GPLD1: variants seen among roughly 807,000 people sequenced by gnomAD.
The protein encoded by GPLD1 is glycosylphosphatidylinositol specific phospholipase D1, also known as phosphatidylinositol-glycan-specific phospholipase D.
Under a neutral mutation model 112.6 loss-of-function variants are expected in GPLD1, and 84 were observed. That is an observed-to-expected ratio of 0.75 (90% CI 0.63 to 0.89). The LOEUF (loss-of-function observed/expected upper bound fraction) is 0.89. Among genes scored for constraint, GPLD1 ranks in the 40% least tolerant of loss-of-function variants. The pLI is 0.00. For missense variants in GPLD1, 1,044 were observed against 1,051.5 expected (o/e 0.99, Z 0.10); for synonymous variants, 386 against 403.8 (o/e 0.96, Z 0.53).
upstream of GPLD1, among the ~76,000 whole-genome samples, chr6:24,494,050 T>G (rs891305961): frequency 3.3e-5 from 5 of 152,234 alleles, no homozygotes; most frequent in African/African-American, 1.2e-4. Flanking sequence ...TGTTTAAAGG[T>G]GCTCAAATAC....
chr6:24,435,818 CTG>C (rs763025959), intron 22 of GPLD1: 1 of 32,734 alleles, frequency 3.1e-5, no homozygotes, highest in African/African-American at 1.3e-4. Context: ...GAGCCAGACG[CTG>C]TCTCAAAAAA....
intron 20 of GPLD1, among the ~76,000 whole-genome samples, chr6:24,444,969 T>C (rs1459822995): frequency 6.6e-6 from 1 of 152,168 alleles, no homozygotes; most frequent in Non-Finnish European, 1.5e-5. Flanking sequence ...TAAGTTACTT[T>C]CATATGTCAT....
upstream of GPLD1, among the ~76,000 whole-genome samples, chr6:24,493,536 C>G (rs1746269198): frequency 1.3e-5 from 2 of 152,036 alleles, no homozygotes; most frequent in Admixed American, 1.3e-4. Context: ...AAAACAAAAA[C>G]AAAAACTCCC....
intron 3 of GPLD1, among the ~76,000 whole-genome samples, chr6:24,477,098 C>G (rs1764047328): frequency 6.6e-6 from 1 of 151,454 alleles, no homozygotes; most frequent in Non-Finnish European, 1.5e-5. Flanking sequence ...AGAGATAAAG[C>G]TTTAAACAAT....
At chr6:24,484,157 T>C (rs1256489339) in intron 2 of GPLD1, among the ~76,000 whole-genome samples, 5 of 152,154 alleles carry the variant, frequency 3.3e-5, no homozygotes, top group East Asian at 1.9e-4. Flanking sequence ...CCTCATGATC[T>C]GCCCGCCTTG....
chr6:24,458,948 G>A (rs146450117), intron 12 of GPLD1, among the ~76,000 whole-genome samples: 4,524 of 151,890 alleles, frequency 0.03, 93 homozygotes, highest in Non-Finnish European at 0.045. Context: ...AGGCCCTTCC[G>A]CAATTCTCAG....
intron 3 of GPLD1, 74 bp downstream of exon 3, chr6:24,479,802 ATATAT>A: frequency 1.3e-6 from 1 of 777,360 alleles, no homozygotes; most frequent in Non-Finnish European, 2.3e-6. Context: ...ACACACATAT[ATATAT>A]ATTTTTAAAG....
In GPLD1 at chr6:24,476,216, A is replaced by G. The variant is rs1472644927; in HGVS notation, c.295T>C (p.Tyr99His). 1 of 1,573,442 alleles carries G rather than the reference A, an allele frequency of 6.4e-7. No homozygotes were observed. Among genetic ancestry groups the G allele is most frequent in the Non-Finnish European group, 8.7e-7 (1 of 1,153,872 alleles). The change falls in exon 4 of 25, where the codon TAT (tyrosine) becomes CAT (histidine). Residue 99 changes from tyrosine to histidine, a missense_variant. Coordinates refer to ENST00000230036, the MANE Select transcript of GPLD1 (RefSeq NM_001503.4). ...WTPFLNASVH[Y>H]IRENYPLPWE... ...GGAAGGGGATAGTTCTCTCGGATAT[A>G]ATGAACGCTTGCATTAAGAAACGGA...
chr6:24,436,405 A>C (rs1762579598), intron 22 of GPLD1, among the ~76,000 whole-genome samples, 171 bp downstream of exon 22: 1 of 152,238 alleles, frequency 6.6e-6, no homozygotes, highest in African/African-American at 2.4e-5. Context: ...AATGTTGCAG[A>C]ACTGTAAGAA....
Position 24,464,547 on chromosome 6 carries a change from T to C in GPLD1, c.822-1752A>G, listed in dbSNP as rs368226387. 2.6e-5 allele frequency among the ~76,000 whole-genome samples: 4 copies of C among 152,246 alleles called. No individual in the cohort carries two copies. In the East Asian group the frequency reaches 7.7e-4, roughly 29 times the overall value. On this transcript the variant is annotated intron_variant, in intron 10 of 24. Transcript: ENST00000230036. ...AGGTCGAATTTGTCATCAAAGGGAATTTTGTTTCAAATCAACACAATATAT... is the reference window on the plus strand; with the variant it reads ...AGGTCGAATTTGTCATCAAAGGGAACTTTGTTTCAAATCAACACAATATAT...
At chr6:24,436,473 G>T in intron 22 of GPLD1, 103 bp downstream of exon 22, 3 of 942,732 alleles carry the variant, frequency 3.2e-6, no homozygotes, top group Non-Finnish European at 5.0e-6. Flanking sequence ...GACCCTAGGA[G>T]GTATGAATTC....
chr6:24,475,845 G>A (rs532085750), intron 4 of GPLD1, among the ~76,000 whole-genome samples: 12 of 150,398 alleles, frequency 8.0e-5, no homozygotes, highest in South Asian at 6.4e-4. Context: ...GTGACAGAGC[G>A]ACACTCTGTC....
intron 7 of GPLD1, among the ~76,000 whole-genome samples, chr6:24,472,015 C>T (rs903279875): frequency 5.9e-5 from 9 of 152,180 alleles, no homozygotes; most frequent in Admixed American, 1.3e-4. Flanking sequence ...ATACCACAAA[C>T]TGTGAAAGAC....
Position 24,494,975 on chromosome 6 carries a change from T to C in GPLD1, n.231A>G, listed in dbSNP as rs750617560. ...CGCGCGCGCCCGCTTGCCTGTTTCC[T>C]GTCGCCGTCGTTGCCCGGGCCATGG... On this transcript the variant is annotated non_coding_transcript_exon_variant, in exon 1 of 11. Transcript: ENST00000474784. 31 of 1,304,932 alleles carry C rather than the reference T, an allele frequency of 2.4e-5. No individual in the cohort carries two copies. The African/African-American group carries it at 3.2e-4, about 13-fold the overall frequency. The allele number at this position is 1,304,932 out of a possible 1,614,324, so 80.8% of individuals were successfully genotyped here. A position where few individuals can be genotyped will look rare whatever the true frequency, so the allele number is the denominator to read the frequency against.
chr6:24,492,250 A>T (rs1415352218), upstream of GPLD1, among the ~76,000 whole-genome samples: 1 of 152,150 alleles, frequency 6.6e-6, no homozygotes, highest in Non-Finnish European at 1.5e-5. Flanking sequence ...CATGCCTGTA[A>T]TCCCAGCACT....
At chr6:24,454,500 C>G (rs975389881) in intron 13 of GPLD1, among the ~76,000 whole-genome samples, 1 of 152,178 alleles carries the variant, frequency 6.6e-6, no homozygotes, top group African/African-American at 2.4e-5. Context: ...TACACAAAAC[C>G]AGGGCTTGCC....
rs377043505 is a variant in GPLD1, at chr6:24,436,566, G to C, written c.2358+10C>G. The C allele has an allele frequency of 2.0e-5, 32 of 1,609,852 alleles. No homozygotes were observed. Among genetic ancestry groups the C allele is most frequent in the Non-Finnish European group, 2.7e-5 (32 of 1,177,008 alleles). ...TCCCAATAAGTTATAGAATTTTGTA[G>C]AACACTTACCTTTTCTTCTGGACAT... is the stretch of plus-strand genomic sequence containing the variant. On this transcript the variant is annotated intron_variant, in intron 22 of 24. Coordinates refer to ENST00000230036, the MANE Select transcript of GPLD1 (RefSeq NM_001503.4).
At chr6:24,424,054 G>A (rs1203922565), downstream of GPLD1, 2 of 159,066 alleles carry the variant, frequency 1.3e-5, no homozygotes, top group Non-Finnish European at 1.4e-5. Context: ...CAAGCCCATA[G>A]GTAGCTATAG....
intron 13 of GPLD1, among the ~76,000 whole-genome samples, chr6:24,456,196 C>T (rs113190863): frequency 0.11 from 16,656 of 151,968 alleles, 1,233 homozygotes; most frequent in East Asian, 0.16. Context: ...CCCAGAAGTT[C>T]GAGATCAGCC....
Sources: gnomAD v4.1 joint callset for allele counts (sites outside exome capture counted in the v4.1 genomes callset) on GRCh38, gnomAD v4.1.1 for gene constraint, MANE v1.5 for transcripts, NCBI Gene and HGNC (gene_info 2026-07-23, HGNC 2026-07-21) for gene names.